Variants in HNF1B observed in about 807,000 individuals in gnomAD.
HNF1B encodes the protein HNF1 homeobox B.
Under a neutral mutation model 61.7 loss-of-function variants are expected in HNF1B, and 8 were observed. The ratio of observed to expected loss-of-function variants is 0.13; its 90% CI spans 0.08 to 0.23. The LOEUF (loss-of-function observed/expected upper bound fraction) is 0.23, where lower values mean the gene tolerates loss of function less well. Ranked by LOEUF, HNF1B falls within the 10% of genes least tolerant of loss-of-function variation. HNF1B has a pLI of 1.00. For missense variants in HNF1B, 562 were observed against 714.5 expected, an observed-to-expected ratio of 0.79 and a Z score of 2.43; for synonymous variants, 314 against 287.7, an observed-to-expected ratio of 1.09 and a Z score of -0.93.
At chr17:37,687,672 C>A (rs1168896273) in intron 8 of HNF1B, among the ~76,000 whole-genome samples, 3 of 152,178 alleles carry the variant, frequency 2.0e-5, no homozygotes, top group Non-Finnish European at 4.4e-5. Context: ...AATCCTGAAG[C>A]TGGGCTCCTC....
intron 4 of HNF1B, among the ~76,000 whole-genome samples, chr17:37,714,703 C>T (rs1490468920): frequency 6.6e-6 from 1 of 152,216 alleles, no homozygotes; most frequent in South Asian, 2.1e-4. Context: ...GATACAGACG[C>T]AGATCATTCG....
At chr17:37,715,171 G>A (rs1490945708) in intron 4 of HNF1B, among the ~76,000 whole-genome samples, 1 of 152,076 alleles carries the variant, frequency 6.6e-6, no homozygotes, top group African/African-American at 2.4e-5. Context: ...ACTAGACAGA[G>A]ACTTACGGCA....
intron 4 of HNF1B, among the ~76,000 whole-genome samples, chr17:37,713,563 C>T (rs1450017551): frequency 6.6e-6 from 1 of 152,174 alleles, no homozygotes; most frequent in African/African-American, 2.4e-5. Context: ...ACAGATGAGC[C>T]TAGACCTTTG....
intron 2 of HNF1B, among the ~76,000 whole-genome samples, chr17:37,737,800 A>G (rs1199931214): frequency 6.6e-6 from 1 of 152,092 alleles, no homozygotes. Flanking sequence ...GCGCCACTGC[A>G]CTCCAGTCTG....
Position 37,702,652 on chromosome 17 carries a change from A to G in HNF1B, c.1340-1475T>C, listed in dbSNP as rs147283892. Among the ~76,000 whole-genome samples, 531 of 152,358 alleles carry G rather than the reference A, an allele frequency of 3.5e-3. 2 individuals carry two copies. The highest frequency in any genetic ancestry group is 0.012 in the African/African-American group (503 of 41,580). ...CTTTTTGAGAAACTGCTGCCCAAAA[A>G]AGCAAATGATCCTGTCTAGAGTGGA... On this transcript the variant is annotated intron_variant, in intron 6 of 8. Coordinates refer to ENST00000617811, the MANE Select transcript of HNF1B (RefSeq NM_000458.4).
At chr17:37,716,207 T>G (rs1044500134) in intron 4 of HNF1B, among the ~76,000 whole-genome samples, 1 of 152,118 alleles carries the variant, frequency 6.6e-6, no homozygotes, top group Non-Finnish European at 1.5e-5. Flanking sequence ...TTTAAAAAAG[T>G]TTATTTCAGA....
At chr17:37,688,611 G>A (rs1267679739) in intron 8 of HNF1B, among the ~76,000 whole-genome samples, 2 of 152,186 alleles carry the variant, frequency 1.3e-5, no homozygotes, top group African/African-American at 4.8e-5. Flanking sequence ...TAGCTGTCTA[G>A]GTGGCCACTC....
intron 4 of HNF1B, among the ~76,000 whole-genome samples, chr17:37,714,040 G>C (rs553564088): frequency 1.2e-3 from 186 of 152,256 alleles, no homozygotes; most frequent in South Asian, 4.6e-3. Flanking sequence ...GGTGACCTGG[G>C]TTTAAATCTT....
At chr17:37,731,564 G>A (rs773658262) in intron 4 of HNF1B, 31 bp downstream of exon 4, 2 of 1,553,818 alleles carry the variant, frequency 1.3e-6, no homozygotes, top group East Asian at 2.3e-5. Flanking sequence ...TGGTTGGGTT[G>A]CCGAGGCAGT....
intron 5 of HNF1B, among the ~76,000 whole-genome samples, chr17:37,705,416 C>T (rs1188998317): frequency 2.6e-5 from 4 of 152,214 alleles, no homozygotes; most frequent in African/African-American, 9.6e-5. Flanking sequence ...CCTCATGGTG[C>T]ATCTATTGTT....
chr17:37,744,461 G>A, intron 1 of HNF1B, 80 bp downstream of exon 1: 1 of 1,432,314 alleles, frequency 7.0e-7, no homozygotes, highest in East Asian at 2.3e-5. Flanking sequence ...GGCGAGTGTG[G>A]TCGGGCGCAG....
At chr17:37,743,948 C>T (rs2034081996) in intron 1 of HNF1B, among the ~76,000 whole-genome samples, 1 of 152,240 alleles carries the variant, frequency 6.6e-6, no homozygotes, top group African/African-American at 2.4e-5. Flanking sequence ...AATCTAAACC[C>T]GCGTTGGGGA....
chr17:37,733,891 C>G, intron 2 of HNF1B, 70 bp from the exon 3 acceptor site: 1 of 1,557,004 alleles, frequency 6.4e-7, no homozygotes, highest in South Asian at 1.1e-5. Flanking sequence ...GACAGACAGA[C>G]AGACAACGGA....
chr17:37,741,173 CATA>C (rs2033981507), intron 1 of HNF1B, among the ~76,000 whole-genome samples: 1 of 152,050 alleles, frequency 6.6e-6, no homozygotes, highest in African/African-American at 2.4e-5. Flanking sequence ...AGCATTGCAA[CATA>C]ATAAGCAATT....
chr17:37,714,689 C>T (rs3094506), intron 4 of HNF1B, among the ~76,000 whole-genome samples: 17,313 of 152,222 alleles, frequency 0.11, 1,271 homozygotes, highest in Non-Finnish European at 0.16. Flanking sequence ...TTGGGCTATT[C>T]CTGGATACAG....
chr17:37,695,184 C>G (rs1035733459), intron 8 of HNF1B, among the ~76,000 whole-genome samples: 1 of 152,238 alleles, frequency 6.6e-6, no homozygotes, highest in Non-Finnish European at 1.5e-5. Context: ...GGACACTGCT[C>G]CCTGCATACA....
At chr17:37,728,416 C>T (rs1008544124) in intron 4 of HNF1B, among the ~76,000 whole-genome samples, 2 of 151,884 alleles carry the variant, frequency 1.3e-5, no homozygotes, top group African/African-American at 4.8e-5. Flanking sequence ...ACGCCATTCT[C>T]CTGCCTCAGC....
chr17:37,719,711 G>T (rs1329214275), intron 4 of HNF1B, among the ~76,000 whole-genome samples: 1 of 152,234 alleles, frequency 6.6e-6, no homozygotes, highest in Non-Finnish European at 1.5e-5. Context: ...AAAGCCATCA[G>T]CAGACTGAGC....
intron 8 of HNF1B, among the ~76,000 whole-genome samples, chr17:37,698,862 C>T (rs189514989): frequency 1.4e-4 from 22 of 152,278 alleles, no homozygotes; most frequent in Admixed American, 4.6e-4. Flanking sequence ...TTGTTTAGTG[C>T]TCTTCCTGGG....
Sources: gnomAD v4.1 joint callset for allele counts (sites outside exome capture counted in the v4.1 genomes callset) on GRCh38, gnomAD v4.1.1 for gene constraint, MANE v1.5 for transcripts, NCBI Gene and HGNC (gene_info 2026-07-23, HGNC 2026-07-21) for gene names.